Variants in NLGN1 observed in about 807,000 individuals in gnomAD.
The protein encoded by NLGN1 is neuroligin-1.
NLGN1 carries 12 observed loss-of-function variants against 65.5 expected under a neutral mutation model. The ratio of observed to expected loss-of-function variants is 0.18; its 90% CI spans 0.12 to 0.30. NLGN1 has a LOEUF of 0.30. NLGN1 is among the 10% of genes least tolerant of loss of function. NLGN1 has a pLI of 1.00. For synonymous variants in NLGN1, 350 were observed against 359.5 expected (o/e 0.97, Z 0.30); for missense variants, 750 against 1,007.1 (o/e 0.74, Z 3.46).
At chr3:173,533,822 A>G (rs1737006646) in intron 2 of NLGN1, among the ~76,000 whole-genome samples, 2 of 152,122 alleles carry the variant, frequency 1.3e-5, no homozygotes, top group South Asian at 4.1e-4. Context: ...TCTCTACTAA[A>G]AACACAAAAA....
At chr3:173,768,259 T>C (rs935012672) in intron 3 of NLGN1, among the ~76,000 whole-genome samples, 4 of 152,216 alleles carry the variant, frequency 2.6e-5, no homozygotes, top group Admixed American at 2.6e-4. Flanking sequence ...ACCTAATTCC[T>C]ACTATGTGAG....
chr3:174,085,938 T>C (rs983734159), intron 4 of NLGN1, among the ~76,000 whole-genome samples: 17 of 152,054 alleles, frequency 1.1e-4, no homozygotes, highest in African/African-American at 4.1e-4. Flanking sequence ...AGACTCTGAC[T>C]AGAGCAGTCT....
chr3:173,756,311 T>A (rs1283130190), intron 3 of NLGN1, among the ~76,000 whole-genome samples: 1 of 151,998 alleles, frequency 6.6e-6, no homozygotes, highest in Non-Finnish European at 1.5e-5. Flanking sequence ...TAAATTTATT[T>A]TATTTTTCTC....
intron 3 of NLGN1, among the ~76,000 whole-genome samples, chr3:173,675,198 T>A (rs1488612679): frequency 6.6e-6 from 1 of 152,212 alleles, no homozygotes; most frequent in Non-Finnish European, 1.5e-5. Context: ...ATATTTGGAA[T>A]TGATTGCACT....
intron 4 of NLGN1, among the ~76,000 whole-genome samples, chr3:174,266,937 A>G (rs1748364030): frequency 6.6e-6 from 1 of 152,080 alleles, no homozygotes; most frequent in African/African-American, 2.4e-5. Flanking sequence ...AATAAAGAAA[A>G]CGTCAAATTT....
At chr3:173,873,481 GA>G (rs1425356701) in intron 4 of NLGN1, among the ~76,000 whole-genome samples, 1 of 152,162 alleles carries the variant, frequency 6.6e-6, no homozygotes, top group African/African-American at 2.4e-5. Flanking sequence ...ATAACTATTT[GA>G]AGTTATAAAT....
intron 2 of NLGN1, among the ~76,000 whole-genome samples, chr3:173,447,514 G>A (rs1720599087): frequency 6.6e-6 from 1 of 152,134 alleles, no homozygotes; most frequent in South Asian, 2.1e-4. Flanking sequence ...CTCCAGCTTT[G>A]TTCTTTTGGC....
intron 3 of NLGN1, among the ~76,000 whole-genome samples, chr3:173,697,091 C>A (rs1462793353): frequency 1.3e-5 from 2 of 152,114 alleles, no homozygotes; most frequent in East Asian, 3.9e-4. Context: ...GTAGTATTGC[C>A]ACATTAGCTT....
intron 4 of NLGN1, among the ~76,000 whole-genome samples, chr3:173,890,429 A>G (rs1579016704): frequency 6.6e-6 from 1 of 152,152 alleles, no homozygotes; most frequent in South Asian, 2.1e-4. Context: ...TCTTTGGTGC[A>G]AAATCTATCT....
At chr3:173,783,246 A>G (rs1431934202) in intron 3 of NLGN1, among the ~76,000 whole-genome samples, 1 of 152,226 alleles carries the variant, frequency 6.6e-6, no homozygotes, top group Non-Finnish European at 1.5e-5. Context: ...TATTAAAAAG[A>G]GACCATTACA....
chr3:173,576,807 G>A (rs550160497), intron 2 of NLGN1, among the ~76,000 whole-genome samples: 1 of 152,248 alleles, frequency 6.6e-6, no homozygotes, highest in East Asian at 1.9e-4. Context: ...GAGGGTGGTG[G>A]AGGGTATTAT....
At chr3:174,024,307 A>G (rs1728395951) in intron 4 of NLGN1, among the ~76,000 whole-genome samples, 1 of 152,168 alleles carries the variant, frequency 6.6e-6, no homozygotes, top group African/African-American at 2.4e-5. Context: ...ATGATTGTCA[A>G]GAAAAGGCAA....
At chr3:174,235,494 A>C (rs1411016104) in intron 4 of NLGN1, among the ~76,000 whole-genome samples, 1 of 152,192 alleles carries the variant, frequency 6.6e-6, no homozygotes, top group Non-Finnish European at 1.5e-5. Context: ...GTGATTTAGC[A>C]AACCATTTTT....
intron 4 of NLGN1, among the ~76,000 whole-genome samples, chr3:174,191,337 GAATCAAAGTACAGT>G (rs1176282809): frequency 7.2e-5 from 11 of 152,078 alleles, no homozygotes; most frequent in Non-Finnish European, 1.5e-4. Context: ...GCATGCGAGG[GAATCAAAGTACAGT>G]AATCAAAGTA....
At chr3:173,407,770 C>A (rs1352435011) in intron 1 of NLGN1, among the ~76,000 whole-genome samples, 1 of 152,124 alleles carries the variant, frequency 6.6e-6, no homozygotes, top group Non-Finnish European at 1.5e-5. Context: ...TGAGAAATAT[C>A]ATTGTAGAAA....
At chr3:173,812,966 G>T (rs1718276088) in intron 4 of NLGN1, among the ~76,000 whole-genome samples, 1 of 150,098 alleles carries the variant, frequency 6.7e-6, no homozygotes, top group Admixed American at 6.6e-5. Flanking sequence ...AATAATAATT[G>T]ATATTCTACT....
intron 1 of NLGN1, among the ~76,000 whole-genome samples, chr3:173,404,080 A>G (rs982304942): frequency 1.3e-5 from 2 of 152,162 alleles, no homozygotes; most frequent in Non-Finnish European, 2.9e-5. Flanking sequence ...AAACTAAGGC[A>G]GTGTAGGTGA....
chr3:173,994,236 C>G (rs1390336212), intron 4 of NLGN1, among the ~76,000 whole-genome samples: 1 of 151,850 alleles, frequency 6.6e-6, no homozygotes, highest in Admixed American at 6.6e-5. Flanking sequence ...GCCTCCTGAG[C>G]AGCTGAGACT....
chr3:173,628,600 CT>C (rs534476799), intron 3 of NLGN1, among the ~76,000 whole-genome samples: 36 of 148,328 alleles, frequency 2.4e-4, no homozygotes, highest in Middle Eastern at 3.5e-3. Context: ...GCTACACCAT[CT>C]TTTTTTTTTA....
Sources: allele counts gnomAD v4.1 joint callset (sites outside exome capture counted in the v4.1 genomes callset), GRCh38; gene constraint gnomAD v4.1.1; transcripts MANE v1.5; gene names NCBI Gene and HGNC (gene_info 2026-07-23, HGNC 2026-07-21).